Variants in GNB1 observed in about 807,000 individuals in gnomAD.
GNB1 encodes guanine nucleotide-binding protein G(I)/G(S)/G(T) subunit beta-1.
A neutral mutation model predicts 42.9 loss-of-function variants in GNB1; 2 were observed. The observed-to-expected ratio is 0.05, with a 90% CI of 0.02 to 0.15. The LOEUF (loss-of-function observed/expected upper bound fraction) is 0.15, where lower values mean the gene tolerates loss of function less well. Among genes scored for constraint, GNB1 ranks in the 10% least tolerant of loss-of-function variants. GNB1 has a pLI of 1.00. For missense variants in GNB1, 193 were observed against 462.2 expected, an observed-to-expected ratio of 0.42 and a Z score of 5.34; for synonymous variants, 183 against 174.7, an observed-to-expected ratio of 1.05 and a Z score of -0.38.
At chr1:1,880,612 G>A (rs1172088763) in intron 1 of GNB1, among the ~76,000 whole-genome samples, 1 of 151,976 alleles carries the variant, frequency 6.6e-6, no homozygotes, top group East Asian at 1.9e-4. Flanking sequence ...TATATATGAT[G>A]ATGAAAACAG....
At chr1:1,884,985 T>C (rs1430542320) in intron 1 of GNB1, among the ~76,000 whole-genome samples, 2 of 151,788 alleles carry the variant, frequency 1.3e-5, no homozygotes, top group South Asian at 2.1e-4. Flanking sequence ...GCCCGGCCAG[T>C]ATTCCAATTC....
chr1:1,793,545 G>A (rs894880263), intron 7 of GNB1: 5 of 383,562 alleles, frequency 1.3e-5, no homozygotes, highest in African/African-American at 4.1e-5. Context: ...CCACAGCTCC[G>A]TGATGGGGGC....
chr1:1,846,497 A>T (rs1181857085), intron 1 of GNB1, among the ~76,000 whole-genome samples: 1 of 151,968 alleles, frequency 6.6e-6, no homozygotes, highest in Non-Finnish European at 1.5e-5. Context: ...AACCCAGGAG[A>T]CGGAGGTTGC....
chr1:1,887,579 G>C (rs566644409), intron 1 of GNB1, among the ~76,000 whole-genome samples: 2 of 152,312 alleles, frequency 1.3e-5, no homozygotes, highest in South Asian at 2.1e-4. Flanking sequence ...AATCTACCTA[G>C]ATGATACTAG....
At chr1:1,829,078 C>A (rs192465418) in intron 2 of GNB1, among the ~76,000 whole-genome samples, 1 of 151,978 alleles carries the variant, frequency 6.6e-6, no homozygotes, top group African/African-American at 2.4e-5. Context: ...TTTTTTGAGA[C>A]GGAGTTTCAC....
intron 7 of GNB1, among the ~76,000 whole-genome samples, chr1:1,801,568 T>G (rs150906767): frequency 1.3e-5 from 2 of 152,212 alleles, no homozygotes; most frequent in Non-Finnish European, 2.9e-5. Context: ...ATGTACACTA[T>G]AATCCCTAAA....
At chr1:1,879,980 G>T (rs1476873023) in intron 1 of GNB1, among the ~76,000 whole-genome samples, 1 of 152,058 alleles carries the variant, frequency 6.6e-6, no homozygotes, top group Non-Finnish European at 1.5e-5. Context: ...CACCCAGGCT[G>T]GAGTGCCATG....
intron 1 of GNB1, among the ~76,000 whole-genome samples, chr1:1,885,155 G>A (rs570226972): frequency 2.0e-4 from 30 of 151,076 alleles, no homozygotes; most frequent in Admixed American, 1.3e-3. Context: ...GCTCACACCT[G>A]TAATCCCAGC....
intron 7 of GNB1, among the ~76,000 whole-genome samples, chr1:1,803,982 T>A (rs796639705): frequency 6.9e-4 from 17 of 24,670 alleles, no homozygotes; most frequent in African/African-American, 2.3e-3. Context: ...ACTCTGTCTT[T>A]AAAAAAAAAA....
chr1:1,829,579 G>A (rs1647048163), intron 2 of GNB1, among the ~76,000 whole-genome samples: 1 of 152,044 alleles, frequency 6.6e-6, no homozygotes, highest in South Asian at 2.1e-4. Flanking sequence ...CGAACTTAAG[G>A]GAAGCAAACA....
At chr1:1,804,023 G>GTGGC (rs1209685753) in intron 7 of GNB1, among the ~76,000 whole-genome samples, 55 of 145,020 alleles carry the variant, frequency 3.8e-4, no homozygotes, top group Non-Finnish European at 6.1e-4. Flanking sequence ...GCTGGGTGTG[G>GTGGC]TGGCTCACAC....
At chr1:1,820,418 A>G (rs1222423135) in intron 3 of GNB1, among the ~76,000 whole-genome samples, 1 of 150,892 alleles carries the variant, frequency 6.6e-6, no homozygotes, top group African/African-American at 2.4e-5. Context: ...TACCAAATTT[A>G]TACATTCCAA....
At chr1:1,802,503 T>G (rs1646638807) in intron 7 of GNB1, among the ~76,000 whole-genome samples, 1 of 152,164 alleles carries the variant, frequency 6.6e-6, no homozygotes, top group South Asian at 2.1e-4. Flanking sequence ...GAGTGGTGGC[T>G]CAAGCCTGTA....
chr1:1,881,211 G>A (rs1166794559), intron 1 of GNB1, among the ~76,000 whole-genome samples: 1 of 152,134 alleles, frequency 6.6e-6, no homozygotes, highest in South Asian at 2.1e-4. Flanking sequence ...CATCTTTCTC[G>A]CCACTCTCGC....
Position 1,839,207 on chromosome 1 carries a change from T to C in GNB1, c.-64A>G, listed in dbSNP as rs1221558811. 6.6e-6 allele frequency: 1 copy of C among 152,202 alleles called. No individual in the cohort carries two copies. The highest frequency in any genetic ancestry group is 1.9e-4 in the East Asian group (1 of 5,204). The allele number at this position is 152,202 out of a possible 1,614,324, so 9.4% of individuals were successfully genotyped here. A position where few individuals can be genotyped will look rare whatever the true frequency, so the allele number is the denominator to read the frequency against. On this transcript the variant is annotated 5_prime_UTR_variant, in exon 2 of 12. Transcript: ENST00000378609. Reference sequence around the variant, plus strand: ...AAAATTACCTTAATTCAGAAGGGCTTCTGGTCTGGTCTCCAATACATGTAA... The same window carrying C: ...AAAATTACCTTAATTCAGAAGGGCTCCTGGTCTGGTCTCCAATACATGTAA...
rs139154434 is a variant in GNB1 at position 1,886,142 on chromosome 1, T to A, written c.-96+4678A>T. Among the ~76,000 whole-genome samples, 878 of 151,832 alleles carry A rather than the reference T, an allele frequency of 5.8e-3. 8 individuals carry two copies. Among genetic ancestry groups the A allele is most frequent in the Admixed American group, 0.01 (153 of 15,280 alleles). On this transcript the variant is annotated intron_variant, in intron 1 of 11. Coordinates refer to ENST00000378609, the MANE Select transcript of GNB1 (RefSeq NM_002074.5). ...GCCTGGCCAACATGGTGAAACCCCA[T>A]CTCTACTAAAATAAAATTTTAAAAA...
chr1:1,840,662 TA>T (rs1386498543), intron 1 of GNB1, among the ~76,000 whole-genome samples: 1 of 152,248 alleles, frequency 6.6e-6, no homozygotes, highest in African/African-American at 2.4e-5. Context: ...AGGAAGCCAC[TA>T]AATAACTACT....
intron 1 of GNB1, among the ~76,000 whole-genome samples, chr1:1,845,545 C>G (rs1198646105): frequency 3.9e-5 from 6 of 151,976 alleles, no homozygotes; most frequent in Non-Finnish European, 1.5e-5. Context: ...TGCACTCCAG[C>G]CTGGGTGACA....
intron 1 of GNB1, among the ~76,000 whole-genome samples, chr1:1,842,996 C>T (rs763506622): frequency 7.2e-5 from 11 of 152,180 alleles, no homozygotes; most frequent in Non-Finnish European, 1.5e-4. Flanking sequence ...GTGTGTGTGT[C>T]CCCAGGAGGA....
Sources: allele counts gnomAD v4.1 joint callset (sites outside exome capture counted in the v4.1 genomes callset), GRCh38; gene constraint gnomAD v4.1.1; transcripts MANE v1.5; gene names NCBI Gene and HGNC (gene_info 2026-07-23, HGNC 2026-07-21).